Variants in DDX31 observed in about 807,000 individuals in gnomAD.
DDX31 encodes the protein DEAD-box helicase 31, also known as ATP-dependent DNA helicase DDX31.
DDX31 carries 70 observed loss-of-function variants against 91.3 expected under a neutral mutation model. The observed-to-expected ratio is 0.77, with a 90% CI of 0.63 to 0.94. The LOEUF (loss-of-function observed/expected upper bound fraction) is 0.94, where lower values mean the gene tolerates loss of function less well. Among genes scored for constraint, DDX31 ranks in the 40% least tolerant of loss-of-function variants. DDX31 has a pLI of 0.00. For missense variants in DDX31, 902 were observed against 925.0 expected (o/e 0.98, Z 0.32); for synonymous variants, 362 against 350.6 (o/e 1.03, Z -0.36).
intron 14 of DDX31, among the ~76,000 whole-genome samples, chr9:132,641,333 C>A (rs1287055403): frequency 6.6e-6 from 1 of 152,162 alleles, no homozygotes; most frequent in Non-Finnish European, 1.5e-5. Flanking sequence ...CTCCAATAAC[C>A]AGCTGGGGAT....
chr9:132,661,333 T>C, intron 3 of DDX31, 82 bp from the exon 4 acceptor site: 3 of 1,190,604 alleles, frequency 2.5e-6, no homozygotes, highest in Non-Finnish European at 3.6e-6. Flanking sequence ...GGAGAAACTA[T>C]TGAGAGAACA....
chr9:132,661,498 A>G lies in DDX31; in HGVS notation c.409-247T>C, dbSNP rs1040331440. The stretch of plus-strand genomic sequence containing the variant: ...GGGGAGGGGGGCACTGCTGGCATCT[A>G]GTGGGTAGAGGCCTGGGATGCTGCT... On this transcript the variant is annotated intron_variant, in intron 3 of 19. Coordinates refer to ENST00000372159, the MANE Select transcript of DDX31 (RefSeq NM_022779.9). Among the ~76,000 whole-genome samples, 6 of 152,102 alleles carry G rather than the reference A, an allele frequency of 3.9e-5. No individual in the cohort carries two copies. In the South Asian group the frequency reaches 1.0e-3, roughly 26 times the overall value.
chr9:132,618,275 G>A (rs2119364578), intron 18 of DDX31, 55 bp downstream of exon 18: 1 of 1,474,562 alleles, frequency 6.8e-7, no homozygotes, highest in Non-Finnish European at 9.3e-7. Flanking sequence ...GTGAAGGTGG[G>A]GGAGAGCACT....
Position 132,595,230 on chromosome 9 carries a change from G to T in DDX31, c.1995-118C>A. ...TGAAGCTGACATTTTTGTATTAACA[G>T]AAGTACAATCCCTTCAATAGTACTT... is the stretch of plus-strand genomic sequence containing the variant. On this transcript the variant is annotated intron_variant, in intron 19 of 19. Transcript: ENST00000372159. This position sits in a 1 kb window ranked among gnomAD's most constrained non-coding sequence, Gnocchi z 4.6. The T allele has an allele frequency of 8.1e-7, 1 of 1,234,032 alleles. No individual in the cohort carries two copies. The highest frequency in any genetic ancestry group is 1.5e-5 in the South Asian group (1 of 66,372). The allele number at this position is 1,234,032 out of a possible 1,614,324, so 76.4% of individuals were successfully genotyped here.
chr9:132,648,499 G>A lies in DDX31; in HGVS notation c.793C>T (p.His265Tyr). Residue 265 changes from histidine (H) to tyrosine (Y), a missense_variant, in exon 10 of 20, where the codon CAT becomes TAT. His to Tyr is a moderately conservative substitution (Grantham distance 83, BLOSUM62 2). Transcript: ENST00000372159. ...LISTPGRLVD[H>Y]IKSTKNIHFS... ...TGAATGTTCTTTGTGGATTTTATAT[G>A]ATCCACCAGGCGTCCAGGAGTTGAG... 3 of 1,613,928 alleles carry A rather than the reference G, an allele frequency of 1.9e-6. No individual in the cohort carries two copies. The highest frequency in any genetic ancestry group is 1.7e-6 in the Non-Finnish European group (2 of 1,179,962).
At chr9:132,637,990 G>A (rs940332915) in intron 14 of DDX31, 78 of 1,051,574 alleles carry the variant, frequency 7.4e-5, no homozygotes, top group Non-Finnish European at 8.8e-5. Context: ...ATTAAGAACT[G>A]CACAGACAGA....
chr9:132,604,534 G>A (rs983383979), intron 19 of DDX31, among the ~76,000 whole-genome samples: 17 of 152,186 alleles, frequency 1.1e-4, no homozygotes, highest in Non-Finnish European at 1.6e-4. Flanking sequence ...CCTGCCATGT[G>A]AAGAAGAGCA....
intron 3 of DDX31, 86 bp downstream of exon 3, chr9:132,662,175 C>G: frequency 7.7e-7 from 1 of 1,303,782 alleles, no homozygotes. Context: ...TCTGATCTCT[C>G]CTCCTAGAGC....
chr9:132,648,117 A>G (rs1227047494), intron 11 of DDX31, 72 bp downstream of exon 11: 2 of 1,296,158 alleles, frequency 1.5e-6, no homozygotes, highest in African/African-American at 1.5e-5. Context: ...TGCAGCAAAC[A>G]ACCCAGGTTA....
At chr9:132,621,687 C>G (rs560682959) in intron 17 of DDX31, among the ~76,000 whole-genome samples, 9 of 152,260 alleles carry the variant, frequency 5.9e-5, no homozygotes, top group African/African-American at 2.2e-4. Context: ...AAATTGAGGA[C>G]AGCAATTAAG....
At chr9:132,658,818 TCTG>T (rs751042023) in intron 5 of DDX31, 83 bp from the exon 6 acceptor site, 28 of 1,277,906 alleles carry the variant, frequency 2.2e-5, no homozygotes, top group Non-Finnish European at 3.1e-5. Context: ...GGAAACAGGC[TCTG>T]CTATCTTCCA....
chr9:132,662,367 A>G (rs779779197), intron 2 of DDX31, 31 bp from the exon 3 acceptor site: 1 of 1,614,180 alleles, frequency 6.2e-7, no homozygotes, highest in Non-Finnish European at 8.5e-7. Flanking sequence ...CCCAGGCATC[A>G]GTGCCAATAT....
intron 16 of DDX31, among the ~76,000 whole-genome samples, chr9:132,626,215 A>C (rs890386960): frequency 3.9e-5 from 6 of 151,914 alleles, no homozygotes; most frequent in African/African-American, 1.5e-4. Flanking sequence ...GAGGGTAACG[A>C]GGGCACAAAG....
rs1830372360 is a variant in DDX31 at position 132,595,052 on chromosome 9, T to C, written c.2055A>G (p.Glu685=). ...TGTCGGCCTCCATGCCGCTTGAGTA[T>C]TCCGAACGTAGGATTTCAGCGAGGC... ...KHSLAEILRS[E]YSSGMEADIA... Residue 685 remains glutamate (E), a synonymous_variant, in exon 20 of 20, where the codon GAA becomes GAG. Transcript: ENST00000372159. This position sits in a 1 kb window ranked among gnomAD's most constrained non-coding sequence, Gnocchi z 4.6. 6.2e-7 allele frequency: 1 copy of C among 1,614,128 alleles called. No homozygotes were observed. The highest frequency in any genetic ancestry group is 8.5e-7 in the Non-Finnish European group (1 of 1,180,052).
chr9:132,629,665 T>G (rs1422389716), intron 16 of DDX31, among the ~76,000 whole-genome samples: 2 of 152,190 alleles, frequency 1.3e-5, no homozygotes, highest in African/African-American at 4.8e-5. Flanking sequence ...GAAAAAGAAA[T>G]AAGACTATCC....
chr9:132,630,437 G>T, intron 15 of DDX31, 34 bp from the exon 16 acceptor site: 1 of 1,557,466 alleles, frequency 6.4e-7, no homozygotes, highest in South Asian at 1.2e-5. Flanking sequence ...GGCATTCATA[G>T]ATCAAGGGAC....
chr9:132,624,248 A>T (rs574361297), intron 17 of DDX31, among the ~76,000 whole-genome samples: 2 of 152,014 alleles, frequency 1.3e-5, no homozygotes, highest in South Asian at 4.2e-4. Flanking sequence ...AAAAGAACGG[A>T]AGTGTGCCAA....
Position 132,662,285 on chromosome 9 carries a change from A to C in DDX31, c.384T>G (p.His128Gln), listed in dbSNP as rs201265929. ...CTAAATGTGGGTGGAGGCCCAGCTC[A>C]TGAAAAGCAGCTGAAGTAAACACTT... is the stretch of plus-strand genomic sequence containing the variant. Reference protein sequence around the residue: ...QEKVFTSAAFHELGLHPHLIS... With the variant: ...QEKVFTSAAFQELGLHPHLIS... Residue 128 changes from histidine (H) to glutamine (Q), a missense_variant, in exon 3 of 20, where the codon CAT becomes CAG. Transcript: ENST00000372159. 84 of 1,614,132 alleles carry C rather than the reference A, an allele frequency of 5.2e-5. No individual in the cohort carries two copies. The highest frequency in any genetic ancestry group is 6.8e-5 in the Non-Finnish European group (80 of 1,180,060).
At chr9:132,603,480 G>A (rs1830835909) in intron 19 of DDX31, among the ~76,000 whole-genome samples, 3 of 152,200 alleles carry the variant, frequency 2.0e-5, no homozygotes, top group Admixed American at 2.0e-4. Flanking sequence ...AGAGGAGGTA[G>A]TCGGCTGTAA....
Sources: allele counts gnomAD v4.1 joint callset (sites outside exome capture counted in the v4.1 genomes callset), GRCh38; gene constraint gnomAD v4.1.1; non-coding constraint Gnocchi (gnomAD v3.1); transcripts MANE v1.5; gene names NCBI Gene and HGNC (gene_info 2026-07-23, HGNC 2026-07-21).